TLE1: variants seen among roughly 807,000 people sequenced by gnomAD.
The protein encoded by TLE1 is transducin-like enhancer protein 1.
A neutral mutation model predicts 89.8 loss-of-function variants in TLE1; 21 were observed. The ratio of observed to expected loss-of-function variants is 0.23; its 90% CI spans 0.17 to 0.34. The LOEUF is 0.34. TLE1 is among the 10% of genes least tolerant of loss of function. TLE1 has a pLI of 1.00. For missense variants in TLE1, 795 were observed against 1,031.2 expected (o/e 0.77, Z 3.14); for synonymous variants, 447 against 407.6 (o/e 1.10, Z -1.16).
At chr9:81,688,063 A>C (rs1191390386) in intron 1 of TLE1, among the ~76,000 whole-genome samples, 154 bp downstream of exon 1, 1 of 151,710 alleles carries the variant, frequency 6.6e-6, no homozygotes, top group Non-Finnish European at 1.5e-5. Flanking sequence ...CCCACTCCCC[A>C]CCCCAGGAAG....
In TLE1 at chr9:81,613,417, G is replaced by A. The variant is rs753675090; in HGVS notation, c.1023C>T (p.Leu341=). Residue 341 remains leucine, a synonymous_variant, in exon 12 of 20, where the codon CTC becomes CTT. Coordinates refer to ENST00000376499, the MANE Select transcript of TLE1 (RefSeq NM_005077.5). ...GGGGGTCTATGGCTGGAGGCTTGCC[G>A]AGACCTGGACGGAGGCCTGGAGTGG... is the stretch of plus-strand genomic sequence containing the variant. ...TSATPGLRPG[L]GKPPAIDPLV... The A allele has an allele frequency of 5.6e-6, 9 of 1,614,110 alleles. No individual in the cohort carries two copies. Among genetic ancestry groups the A allele is most frequent in the Admixed American group, 3.3e-5 (2 of 60,022 alleles).
chr9:81,677,071 T>A (rs967769229), intron 4 of TLE1, among the ~76,000 whole-genome samples: 2 of 152,006 alleles, frequency 1.3e-5, no homozygotes, highest in African/African-American at 4.8e-5. Context: ...ACCCCGTCTC[T>A]ACCAAAATGT....
At chr9:81,585,087 G>A (rs1392297133) in intron 18 of TLE1, among the ~76,000 whole-genome samples, 2 of 152,050 alleles carry the variant, frequency 1.3e-5, no homozygotes, top group Non-Finnish European at 2.9e-5. Context: ...CATCCTCACT[G>A]TAGAGTAGAG....
At chr9:81,621,937 G>A (rs1825311764) in intron 8 of TLE1, among the ~76,000 whole-genome samples, 1 of 152,150 alleles carries the variant, frequency 6.6e-6, no homozygotes, top group Admixed American at 6.5e-5. Flanking sequence ...AAAAGCAGCT[G>A]GGAGGGACCA....
intron 6 of TLE1, among the ~76,000 whole-genome samples, chr9:81,641,556 T>G (rs927308488): frequency 1.3e-5 from 2 of 151,928 alleles, no homozygotes; most frequent in Admixed American, 6.6e-5. Flanking sequence ...AGAGTTAACA[T>G]CCAAAAAACT....
intron 2 of TLE1, 59 bp downstream of exon 2, chr9:81,687,275 T>C: frequency 6.9e-7 from 1 of 1,447,526 alleles, no homozygotes; most frequent in East Asian, 2.4e-5. Context: ...GCCACCCGGC[T>C]GGGTGCAAGG....
At chr9:81,679,394 A>T (rs1833318883) in intron 4 of TLE1, among the ~76,000 whole-genome samples, 1 of 152,162 alleles carries the variant, frequency 6.6e-6, no homozygotes, top group African/African-American at 2.4e-5. Context: ...ACAATTTTAG[A>T]AACCATACTT....
rs781168978 is a variant in TLE1 at position 81,677,634 on chromosome 9, G to A, written c.234+8042C>T. Among the ~76,000 whole-genome samples the A allele has an allele frequency of 1.1e-4, 16 of 151,056 alleles. No homozygotes were observed. The East Asian group carries it at 2.0e-3, about 18-fold the overall frequency. On this transcript the variant is annotated intron_variant, in intron 4 of 19. Transcript: ENST00000376499. ...CAAGCTTTTCACCAAGAGGTTGTAC[G>A]TATACCTAGACTAGTATCATAGACT...
rs868239555 is a variant in TLE1, at chr9:81,615,116, A to G, written c.918+866T>C. Among the ~76,000 whole-genome samples, 155 of 120,346 alleles carry G rather than the reference A, an allele frequency of 1.3e-3. 5 individuals are homozygous for G. Among genetic ancestry groups the G allele is most frequent in the African/African-American group, 5.6e-3 (139 of 24,670 alleles). The allele number at this position is 120,346 out of a possible 152,430, so 79.0% of individuals were successfully genotyped here. A position where few individuals can be genotyped will look rare whatever the true frequency, so the allele number is the denominator to read the frequency against. On this transcript the variant is annotated intron_variant, in intron 11 of 19. Transcript: ENST00000376499. ...AAAAAAAAAAAAAAAAAAAAAAAAA[A>G]AAAAAGAAGAAGAAGAAGAAGGCAA...
At chr9:81,606,787 C>A (rs815850) in intron 14 of TLE1, among the ~76,000 whole-genome samples, 125,743 of 151,086 alleles carry the variant, frequency 0.83, 52,637 homozygotes, top group African/African-American at 0.94. Context: ...AAAAAAAAAA[C>A]CATATATATA....
In TLE1 at chr9:81,659,303, A is replaced by C. The variant is rs113045352; in HGVS notation, c.235-5267T>G. The stretch of plus-strand genomic sequence containing the variant: ...ACCCTGCTGCCTTCCACCTCTTGCA[A>C]AGGCTAGACAACTCCAGTGAAAAAC... On this transcript the variant is annotated intron_variant, in intron 4 of 19. Transcript: ENST00000376499. 3.8e-3 allele frequency among the ~76,000 whole-genome samples: 583 copies of C among 152,278 alleles called. 5 individuals carry two copies. The highest frequency in any genetic ancestry group is 0.014 in the African/African-American group (570 of 41,538).
At chr9:81,655,341 C>T (rs1379492604) in intron 4 of TLE1, among the ~76,000 whole-genome samples, 1 of 151,934 alleles carries the variant, frequency 6.6e-6, no homozygotes, top group African/African-American at 2.4e-5. Flanking sequence ...CCAGCCTGTG[C>T]GACAGTGAGA....
rs748174556 is a variant in TLE1, at chr9:81,624,364, G to A, written c.595-3807C>T. On this transcript the variant is annotated intron_variant, in intron 8 of 19. Transcript: ENST00000376499. ...TAACACTGAAAAAGGCCTCAGCAGA[G>A]TGACAAAGCAGCCCAGGTACACACA... Among the ~76,000 whole-genome samples, 9 of 152,164 alleles carry A rather than the reference G, an allele frequency of 5.9e-5. 1 individual carries two copies. The highest frequency in any genetic ancestry group is 1.0e-4 in the Non-Finnish European group (7 of 68,042).
chr9:81,620,968 G>A (rs1825170509), intron 8 of TLE1: 1 of 490,370 alleles, frequency 2.0e-6, no homozygotes, highest in African/African-American at 2.0e-5. Context: ...AAGAGTCAAT[G>A]TGTACCACTC....
At chr9:81,590,480 T>C (rs1829324729) in intron 16 of TLE1, among the ~76,000 whole-genome samples, 1 of 152,238 alleles carries the variant, frequency 6.6e-6, no homozygotes, top group East Asian at 1.9e-4. Flanking sequence ...ATCAAGGGCC[T>C]TTTGTGCTGC....
chr9:81,673,389 G>A (rs1292808294), intron 4 of TLE1, among the ~76,000 whole-genome samples: 2 of 151,522 alleles, frequency 1.3e-5, no homozygotes, highest in African/African-American at 2.4e-5. Context: ...CACGGTAATG[G>A]GAAAATCAGT....
chr9:81,651,998 TCTC>T (rs1247217089), intron 6 of TLE1, among the ~76,000 whole-genome samples: 1 of 151,496 alleles, frequency 6.6e-6, no homozygotes, highest in Non-Finnish European at 1.5e-5. Context: ...CTAAAATGCT[TCTC>T]CTGTCATCTT....
rs142750531 is a variant in TLE1 at position 81,646,315 on chromosome 9, G to A, written c.372+5899C>T. The stretch of plus-strand genomic sequence containing the variant: ...TTTAACCAAAGGAGAAACGGACTGC[G>A]AAGACTTCTTTGCAATATTGCTCTT... On this transcript the variant is annotated intron_variant, in intron 6 of 19. Coordinates refer to ENST00000376499, the MANE Select transcript of TLE1 (RefSeq NM_005077.5). Among the ~76,000 whole-genome samples the A allele has an allele frequency of 6.0e-4, 91 of 152,216 alleles. 1 individual carries two copies. In the East Asian group the frequency reaches 0.014, roughly 23 times the overall value.
At chr9:81,676,816 GTC>G (rs1199826918) in intron 4 of TLE1, among the ~76,000 whole-genome samples, 3 of 152,242 alleles carry the variant, frequency 2.0e-5, no homozygotes, top group African/African-American at 7.2e-5. Context: ...TGGGCTAGCA[GTC>G]TCTGAGCAGT....
Sources: allele counts gnomAD v4.1 joint callset (sites outside exome capture counted in the v4.1 genomes callset), GRCh38; gene constraint gnomAD v4.1.1; transcripts MANE v1.5; gene names NCBI Gene and HGNC (gene_info 2026-07-23, HGNC 2026-07-21).